The following MICAL2 variants were observed in gnomAD, a reference collection of about 807,000 sequenced individuals.
The protein encoded by MICAL2 is microtubule associated monooxygenase, calponin and LIM domain containing 2, also known as [F-actin]-monooxygenase MICAL2.
Under a neutral mutation model 127.3 loss-of-function variants are expected in MICAL2, and 77 were observed. That is an observed-to-expected ratio of 0.60 (90% CI 0.50 to 0.73). MICAL2 has a LOEUF of 0.73. MICAL2 is among the 30% of genes least tolerant of loss of function. The pLI is 0.00. For missense variants in MICAL2, 1,351 were observed against 1,434.4 expected, an observed-to-expected ratio of 0.94 and a Z score of 0.94; for synonymous variants, 570 against 551.1, an observed-to-expected ratio of 1.03 and a Z score of -0.48.
At chr11:12,336,181 T>C (rs1841366721) in intron 32 of MICAL2, among the ~76,000 whole-genome samples, 1 of 152,170 alleles carries the variant, frequency 6.6e-6, no homozygotes, top group African/African-American at 2.4e-5. Flanking sequence ...CCCTTGTAAG[T>C]TGGATTCCTA....
intron 3 of MICAL2, among the ~76,000 whole-genome samples, chr11:12,187,693 C>G (rs1051675306): frequency 6.6e-6 from 1 of 152,130 alleles, no homozygotes; most frequent in Non-Finnish European, 1.5e-5. Flanking sequence ...TGGGGGTTCC[C>G]GAGAGTGGAT....
chr11:12,234,857 T>C (rs1858808444), intron 15 of MICAL2, among the ~76,000 whole-genome samples: 1 of 152,144 alleles, frequency 6.6e-6, no homozygotes, highest in South Asian at 2.1e-4. Context: ...CCTCCTGTGA[T>C]CGGGTAGGTT....
chr11:12,313,177 A>AAT (rs1368680383), intron 29 of MICAL2, among the ~76,000 whole-genome samples: 4 of 151,418 alleles, frequency 2.6e-5, no homozygotes, highest in African/African-American at 9.7e-5. Context: ...CAAAAAAAAA[A>AAT]AAAAAAAAAA....
At chr11:12,273,262 T>A (rs1863691765), upstream of MICAL2, among the ~76,000 whole-genome samples, 1 of 152,190 alleles carries the variant, frequency 6.6e-6, no homozygotes, top group African/African-American at 2.4e-5. Flanking sequence ...CGGGTGAGAT[T>A]TAATAGACTT....
intron 1 of MICAL2, among the ~76,000 whole-genome samples, chr11:12,124,091 A>G (rs754954661): frequency 3.3e-5 from 5 of 152,150 alleles, no homozygotes; most frequent in Non-Finnish European, 4.4e-5. Flanking sequence ...GTGTGGCTTT[A>G]GAATTTAAAG....
intron 2 of MICAL2, among the ~76,000 whole-genome samples, chr11:12,147,215 T>A (rs1590069695): frequency 6.6e-6 from 1 of 151,464 alleles, no homozygotes; most frequent in Non-Finnish European, 1.5e-5. Flanking sequence ...ATAATAATAA[T>A]AAAAAAAAGA....
chr11:12,354,890 C>T (rs1939108340), intron 34 of MICAL2: 2 of 1,596,046 alleles, frequency 1.3e-6, no homozygotes, highest in African/African-American at 2.7e-5. Context: ...TGAGAACTTC[C>T]CCCTAGAAAG....
chr11:12,230,099 G>T (rs114831250), intron 15 of MICAL2, among the ~76,000 whole-genome samples: 24 of 152,190 alleles, frequency 1.6e-4, no homozygotes, highest in Non-Finnish European at 4.4e-5. Flanking sequence ...TCTGCATTCT[G>T]TCTACCACTC....
At position 12,355,596 on chromosome 11, in the gene MICAL2, C is replaced by G. The variant is rs530194212; in HGVS notation, c.5689+739C>G. On this transcript the variant is annotated intron_variant, in intron 34 of 34. Coordinates refer to the MICAL2 transcript ENST00000646065. ...ATACCTCAGGGATCTAATACTGCAC[C>G]TACCTTATGAGGTTGCCCAGTATAG... 1.4e-4 allele frequency among the ~76,000 whole-genome samples: 21 copies of G among 152,308 alleles called. No individual in the cohort carries two copies. In the South Asian group the frequency reaches 4.4e-3, roughly 32 times the overall value.
chr11:12,119,677 C>T lies in MICAL2; in HGVS notation c.-149+8951C>T, dbSNP rs539261773. 3.3e-5 allele frequency among the ~76,000 whole-genome samples: 5 copies of T among 152,326 alleles called. No individual in the cohort carries two copies. In the East Asian group the frequency reaches 7.7e-4, roughly 24 times the overall value. On this transcript the variant is annotated intron_variant, in intron 1 of 27. Coordinates refer to ENST00000683283, the MANE Select transcript of MICAL2 (RefSeq NM_001282663.2). ...TGCGGATTGGCTGGGAGATCTCTAG[C>T]TCTCCCTTTCCCTTTGGACTCAGGT...
chr11:12,309,965 C>T (rs11608159), intron 29 of MICAL2, among the ~76,000 whole-genome samples: 20,492 of 152,108 alleles, frequency 0.13, 1,637 homozygotes, highest in South Asian at 0.22. Flanking sequence ...TTGTTGGCCA[C>T]TTGTATGTCT....
In MICAL2 at chr11:12,209,496, G is replaced by A; in HGVS notation, c.590-1G>A. The A allele has an allele frequency of 6.2e-7, 1 of 1,612,062 alleles. No individual in the cohort carries two copies. The highest frequency in any genetic ancestry group is 8.5e-7 in the Non-Finnish European group (1 of 1,178,070). On this transcript the variant is annotated splice_acceptor_variant, in intron 5 of 27. Transcript: ENST00000683283. LOFTEE classifies it high-confidence loss of function. ...CTCATCTCATTTCTCTGTCCTGGTAGAAATTGGCTGGCGGGCAGAATTTCT... is the reference window on the plus strand; with the variant it reads ...CTCATCTCATTTCTCTGTCCTGGTAAAAATTGGCTGGCGGGCAGAATTTCT...
chr11:12,346,685 A>T (rs528978715), intron 32 of MICAL2, among the ~76,000 whole-genome samples: 1 of 152,212 alleles, frequency 6.6e-6, no homozygotes, highest in Non-Finnish European at 1.5e-5. Flanking sequence ...CACAAGAGGC[A>T]TGTTGTATTC....
chr11:12,180,349 A>ATATATATATATAT lies in MICAL2; in HGVS notation c.264+17931_264+17932insATATATATATATT, dbSNP rs11403732. Among the ~76,000 whole-genome samples the ATATATATATATAT allele has an allele frequency of 2.2e-3, 304 of 139,690 alleles. 2 individuals carry two copies. The highest frequency in any genetic ancestry group is 7.7e-3 in the African/African-American group (291 of 37,632). The allele number at this position is 139,690 out of a possible 152,430, so 91.6% of individuals were successfully genotyped here. A position where few individuals can be genotyped will look rare whatever the true frequency, so the allele number is the denominator to read the frequency against. On this transcript the variant is annotated intron_variant, in intron 3 of 27. Coordinates refer to ENST00000683283, the MANE Select transcript of MICAL2 (RefSeq NM_001282663.2). ...TTTATATACATGTATATATGTATAT[A>ATATATATATATAT]TTTTTTTTTTGGCAGGAAGGTTTCC...
chr11:12,329,862 G>GAAAA (rs59395634), intron 32 of MICAL2, among the ~76,000 whole-genome samples: 1 of 121,964 alleles, frequency 8.2e-6, no homozygotes, highest in Non-Finnish European at 1.6e-5. Context: ...CCCCAAATAT[G>GAAAA]AAAAAAAAAA....
intron 2 of MICAL2, among the ~76,000 whole-genome samples, chr11:12,144,469 G>T (rs1254578391): frequency 1.3e-5 from 2 of 152,132 alleles, no homozygotes; most frequent in African/African-American, 4.8e-5. Flanking sequence ...GGCCCTTTCT[G>T]GGCCCTGGAA....
At chr11:12,139,098 G>A (rs2133609784) in intron 2 of MICAL2, among the ~76,000 whole-genome samples, 1 of 152,232 alleles carries the variant, frequency 6.6e-6, no homozygotes, top group Middle Eastern at 3.4e-3. Context: ...GCCAAACAGG[G>A]AGACTGAGGC....
intron 25 of MICAL2, 149 bp from the exon 26 acceptor site, chr11:12,259,646 C>G: frequency 1.5e-6 from 1 of 662,472 alleles, no homozygotes; most frequent in Non-Finnish European, 2.4e-6. Context: ...GTGTTCAGCA[C>G]CGGCTTCAGC....
At chr11:12,260,707 G>C (rs554032033) in intron 26 of MICAL2, 291 of 985,456 alleles carry the variant, frequency 3.0e-4, no homozygotes, top group Middle Eastern at 1.0e-3. Context: ...TAGAAGAAGA[G>C]AGTAGAAGGG....
Sources: gnomAD v4.1 joint callset for allele counts (sites outside exome capture counted in the v4.1 genomes callset) on GRCh38, gnomAD v4.1.1 for gene constraint, MANE v1.5 for transcripts, NCBI Gene and HGNC (gene_info 2026-07-23, HGNC 2026-07-21) for gene names.